DSCAM: variants seen among roughly 807,000 people sequenced by gnomAD.
DSCAM encodes DS cell adhesion molecule.
DSCAM carries 47 observed loss-of-function variants against 217.7 expected under a neutral mutation model. The ratio of observed to expected loss-of-function variants is 0.22; its 90% confidence interval spans 0.17 to 0.28. The LOEUF (loss-of-function observed/expected upper bound fraction) is 0.28, where lower values mean the gene tolerates loss of function less well. Ranked by LOEUF, DSCAM falls within the 10% of genes least tolerant of loss-of-function variation. DSCAM has a pLI of 1.00. For synonymous variants in DSCAM, 1,056 were observed against 1,015.3 expected, an observed-to-expected ratio of 1.04 and a Z score of -0.76; for missense variants, 2,080 against 2,618.3, an observed-to-expected ratio of 0.79 and a Z score of 4.49.
At chr21:40,843,629 C>T (rs762413022) in intron 1 of DSCAM, among the ~76,000 whole-genome samples, 1 of 152,068 alleles carries the variant, frequency 6.6e-6, no homozygotes, top group African/African-American at 2.4e-5. Flanking sequence ...AGTGTCTGCA[C>T]ATACGTGTAC....
intron 3 of DSCAM, among the ~76,000 whole-genome samples, chr21:40,521,326 C>T (rs2076356941): frequency 6.6e-6 from 1 of 152,176 alleles, no homozygotes; most frequent in South Asian, 2.1e-4. Context: ...TTTTGAGAAA[C>T]CGCTATACTT....
chr21:40,610,036 G>A (rs7283497), intron 3 of DSCAM, among the ~76,000 whole-genome samples: 8,787 of 152,234 alleles, frequency 0.058, 590 homozygotes, highest in East Asian at 0.3. Context: ...AGGTTCACAG[G>A]ATACCTTTCT....
intron 10 of DSCAM, 62 bp from the exon 11 acceptor site, chr21:40,276,332 A>G: frequency 6.8e-7 from 1 of 1,479,730 alleles, no homozygotes. Flanking sequence ...GAAGACAACG[A>G]GTTCAAGTAC....
At chr21:40,532,177 G>C (rs1221090805) in intron 3 of DSCAM, among the ~76,000 whole-genome samples, 1 of 151,786 alleles carries the variant, frequency 6.6e-6, no homozygotes, top group Admixed American at 6.6e-5. Context: ...TATAAAAGAG[G>C]GTGCTTAAAA....
chr21:40,250,114 C>T (rs1171576817), intron 11 of DSCAM, among the ~76,000 whole-genome samples: 2 of 152,294 alleles, frequency 1.3e-5, no homozygotes, highest in East Asian at 1.9e-4. Context: ...GAGACAATGT[C>T]GTATCCTTGC....
intron 3 of DSCAM, among the ~76,000 whole-genome samples, chr21:40,690,108 C>T (rs2090523313): frequency 6.6e-6 from 1 of 152,184 alleles, no homozygotes; most frequent in African/African-American, 2.4e-5. Context: ...CCCTTCTCCA[C>T]CTAAACCTCC....
intron 3 of DSCAM, among the ~76,000 whole-genome samples, chr21:40,560,805 CAA>C (rs2076714578): frequency 1.3e-5 from 2 of 152,168 alleles, no homozygotes; most frequent in African/African-American, 4.8e-5. Context: ...TGCCCAGCAT[CAA>C]AAGAGAGTAT....
chr21:40,458,714 C>CTATTTG (rs1340879766), intron 3 of DSCAM, among the ~76,000 whole-genome samples: 1 of 152,098 alleles, frequency 6.6e-6, no homozygotes, highest in Admixed American at 6.5e-5. Flanking sequence ...ATAGTTAGAT[C>CTATTTG]TATTTGTACT....
chr21:40,487,326 T>TGAGA (rs10598197), intron 3 of DSCAM, among the ~76,000 whole-genome samples: 169 of 72,840 alleles, frequency 2.3e-3, no homozygotes, highest in African/African-American at 7.4e-3. Flanking sequence ...TGTGTGTGTG[T>TGAGA]GAGAGAGAGA....
At chr21:40,384,003 G>A (rs1342789238) in intron 3 of DSCAM, 1 of 152,222 alleles carries the variant, frequency 6.6e-6, no homozygotes, top group African/African-American at 2.4e-5. Context: ...ACTGCTAGGA[G>A]GGAAAGATGA....
chr21:40,520,590 C>T (rs529563834), intron 3 of DSCAM, among the ~76,000 whole-genome samples: 10 of 152,100 alleles, frequency 6.6e-5, no homozygotes, highest in South Asian at 2.1e-4. Context: ...GGGCAGATCA[C>T]GAGATCAGGA....
chr21:40,561,773 G>A (rs2076722289), intron 3 of DSCAM, among the ~76,000 whole-genome samples: 1 of 117,428 alleles, frequency 8.5e-6, no homozygotes, highest in African/African-American at 3.0e-5. Flanking sequence ...GCTGTCTTCA[G>A]TTTTGGAGAT....
chr21:40,447,906 A>G (rs1400531356), intron 3 of DSCAM, among the ~76,000 whole-genome samples: 4 of 152,242 alleles, frequency 2.6e-5, no homozygotes, highest in African/African-American at 4.8e-5. Context: ...TGATTGCTCT[A>G]TTCTTCAAGA....
intron 1 of DSCAM, among the ~76,000 whole-genome samples, chr21:40,754,134 C>T (rs1448936143): frequency 2.0e-5 from 3 of 152,220 alleles, no homozygotes; most frequent in African/African-American, 7.2e-5. Context: ...GGAGCAACCG[C>T]ACACCAGACC....
intron 1 of DSCAM, among the ~76,000 whole-genome samples, chr21:40,744,238 C>T (rs2091152648): frequency 6.6e-6 from 1 of 152,032 alleles, no homozygotes; most frequent in Non-Finnish European, 1.5e-5. Flanking sequence ...GCTGAACTAC[C>T]TGGGGTGAAC....
chr21:40,624,345 A>T (rs540809745), intron 3 of DSCAM, among the ~76,000 whole-genome samples: 8 of 152,360 alleles, frequency 5.3e-5, no homozygotes, highest in Admixed American at 2.6e-4. Context: ...ATCTTTTTTT[A>T]AACTTTTTTT....
At chr21:40,068,690 A>T (rs1168611891) in intron 27 of DSCAM, among the ~76,000 whole-genome samples, 1 of 152,172 alleles carries the variant, frequency 6.6e-6, no homozygotes, top group Non-Finnish European at 1.5e-5. Flanking sequence ...TGGCAAGAGG[A>T]GTAGGGTAGG....
intron 3 of DSCAM, among the ~76,000 whole-genome samples, chr21:40,598,803 C>T (rs2077041441): frequency 6.6e-6 from 1 of 152,026 alleles, no homozygotes; most frequent in African/African-American, 2.4e-5. Flanking sequence ...GCGACTGGCC[C>T]AAACTGTCTT....
In DSCAM at chr21:40,089,752, C is replaced by T. The variant is rs563640865; in HGVS notation, c.3851-2465G>A. Among the ~76,000 whole-genome samples the T allele has an allele frequency of 4.6e-5, 7 of 152,224 alleles. No individual in the cohort carries two copies. In the East Asian group the frequency reaches 1.2e-3, roughly 25 times the overall value. ...GTCTGGGCTTCTGGGTGGGGGCTGCCCAACTGACTGTCTGCTCCATCCTGA... is the reference window on the plus strand; with the variant it reads ...GTCTGGGCTTCTGGGTGGGGGCTGCTCAACTGACTGTCTGCTCCATCCTGA... On this transcript the variant is annotated intron_variant, in intron 21 of 32. Transcript: ENST00000400454.
Sources: allele counts gnomAD v4.1 joint callset (sites outside exome capture counted in the v4.1 genomes callset), GRCh38; gene constraint gnomAD v4.1.1; transcripts MANE v1.5; gene names NCBI Gene and HGNC (gene_info 2026-07-23, HGNC 2026-07-21).